Variants in ZZEF1 observed in about 807,000 individuals in gnomAD.
The protein encoded by ZZEF1 is zinc finger ZZ-type and EF-hand domain containing 1.
ZZEF1 carries 157 observed loss-of-function variants against 342.8 expected under a neutral mutation model. The ratio of observed to expected loss-of-function variants is 0.46; its 90% CI spans 0.40 to 0.52. The LOEUF (loss-of-function observed/expected upper bound fraction) is 0.52, where lower values mean the gene tolerates loss of function less well. Ranked by LOEUF, ZZEF1 falls within the 20% of genes least tolerant of loss-of-function variation. ZZEF1 has a pLI of 0.00. For synonymous variants in ZZEF1, 1,505 were observed against 1,429.1 expected (o/e 1.05, Z -1.20); for missense variants, 3,480 against 3,725.6 (o/e 0.93, Z 1.72).
intron 42 of ZZEF1, among the ~76,000 whole-genome samples, chr17:4,030,510 A>G (rs2056518580): frequency 6.6e-6 from 1 of 152,238 alleles, no homozygotes; most frequent in Non-Finnish European, 1.5e-5. Context: ...GATTTGATGC[A>G]ATGCCAATCA....
At position 4,042,370 on chromosome 17, in the gene ZZEF1, T is replaced by C. The variant is rs569887695; in HGVS notation, c.6306+59A>G. 152 of 1,553,272 alleles carry C rather than the reference T, an allele frequency of 9.8e-5. 8 individuals carry two copies. In the South Asian group the frequency reaches 1.8e-3, roughly 19 times the overall value. On this transcript the variant is annotated intron_variant, in intron 39 of 54. Transcript: ENST00000381638. Reference sequence around the variant, plus strand: ...CATCATTTGTTTCAGTATGTGGCTTTCCAAAACCTTCTTCTATGCATACCA... The same window carrying C: ...CATCATTTGTTTCAGTATGTGGCTTCCCAAAACCTTCTTCTATGCATACCA...
chr17:4,124,120 T>C, intron 1 of ZZEF1, 69 bp from the exon 2 acceptor site: 1 of 1,495,406 alleles, frequency 6.7e-7, no homozygotes, highest in African/African-American at 1.4e-5. Flanking sequence ...AAGTTTCTTT[T>C]ATTTAAAATT....
At chr17:4,134,229 G>A (rs1677976638) in intron 1 of ZZEF1, among the ~76,000 whole-genome samples, 1 of 151,300 alleles carries the variant, frequency 6.6e-6, no homozygotes, top group South Asian at 2.1e-4. Context: ...TGAGGTGGGA[G>A]GACCGCTTGA....
Position 4,014,115 on chromosome 17 carries a change from G to A in ZZEF1, c.8388C>T (p.Ala2796=), listed in dbSNP as rs773783131. The A allele has an allele frequency of 1.5e-5, 25 of 1,614,018 alleles. No individual in the cohort carries two copies. Among genetic ancestry groups the A allele is most frequent in the Non-Finnish European group, 1.7e-5 (20 of 1,180,034 alleles). The stretch of plus-strand genomic sequence containing the variant: ...CTGTCTGGAACCGCCCCAGGTGTCC[G>A]GCCGTCACGGTGAATCTGTAGCCCC... ...TEWGYRFTVT[A]GHLGRFQTGF... The change falls in exon 51 of 55, where the codon GCC becomes GCT. Residue 2796 remains alanine, a synonymous_variant. Coordinates refer to ENST00000381638, the MANE Select transcript of ZZEF1 (RefSeq NM_015113.4). The surrounding 1 kb of genome is among the most constrained non-coding windows in gnomAD (Gnocchi z 4.4).
chr17:4,009,879 A>AAAT, intron 52 of ZZEF1, 122 bp from the exon 53 acceptor site: 5 of 1,215,822 alleles, frequency 4.1e-6, no homozygotes, highest in Non-Finnish European at 5.7e-6. Flanking sequence ...AAATGATTAT[A>AAAT]AAGTCGCCTC....
chr17:4,132,921 A>G (rs974070661), intron 1 of ZZEF1, among the ~76,000 whole-genome samples: 62 of 152,184 alleles, frequency 4.1e-4, no homozygotes, highest in Admixed American at 1.7e-3. Context: ...AGCTGAGATC[A>G]CGCCACTGCA....
chr17:4,064,867 A>AAG, intron 28 of ZZEF1, 38 bp from the exon 29 acceptor site: 1 of 1,399,318 alleles, frequency 7.1e-7, no homozygotes, highest in Non-Finnish European at 9.7e-7. Context: ...AAAAAAAAAA[A>AAG]GTTAAAATTA....
intron 26 of ZZEF1, 101 bp downstream of exon 26, chr17:4,070,583 T>A: frequency 1.5e-6 from 2 of 1,321,622 alleles, no homozygotes; most frequent in Non-Finnish European, 1.0e-6. Context: ...TATAGAAATG[T>A]GTTTATATTT....
rs1456086109 is a variant in ZZEF1 at position 4,075,196 on chromosome 17, C to G, written c.3402-18G>C. ...AATCATACCTGTGAAGGCATAACCT[C>G]TATTAGCTTCCTTCTCTCATTGCTG... On this transcript the variant is annotated intron_variant, in intron 22 of 54. Transcript: ENST00000381638. 6.2e-7 allele frequency: 1 copy of G among 1,614,032 alleles called. No homozygotes were observed. The highest frequency in any genetic ancestry group is 8.5e-7 in the Non-Finnish European group (1 of 1,179,864).
chr17:4,017,683 C>T lies in ZZEF1; in HGVS notation c.7689G>A (p.Val2563=), dbSNP rs2676279. 0.014 allele frequency: 23,075 copies of T among 1,613,640 alleles called. 2,820 individuals carry two copies. The African/African-American group carries it at 0.27, about 19-fold the overall frequency. Residue 2563 remains valine, a synonymous_variant, in exon 48 of 55, where the codon GTG becomes GTA. Coordinates refer to ENST00000381638, the MANE Select transcript of ZZEF1 (RefSeq NM_015113.4). This position sits in a 1 kb window ranked among gnomAD's most constrained non-coding sequence, Gnocchi z 5.1. ...CDQATAESNP[V]TQKLISSTES... ...CTGTGCTGGAGATCAGCTTCTGGGT[C>T]ACAGGGTTCGATTCAGCAGTGGCTT...
chr17:4,118,408 C>A (rs2058432325), intron 2 of ZZEF1, among the ~76,000 whole-genome samples: 1 of 152,170 alleles, frequency 6.6e-6, no homozygotes, highest in African/African-American at 2.4e-5. Flanking sequence ...GGGCCTTGCT[C>A]CAAAATCTTA....
At chr17:4,018,007 T>C in intron 46 of ZZEF1, 36 bp from the exon 47 acceptor site, 1 of 1,609,688 alleles carries the variant, frequency 6.2e-7, no homozygotes, top group East Asian at 2.2e-5. Flanking sequence ...GTACCAACAG[T>C]GTAGACAGGC....
In ZZEF1 at chr17:4,021,191, G is replaced by C. The variant is rs1047731230; in HGVS notation, c.7342C>G (p.Pro2448Ala). 3 of 1,613,906 alleles carry C rather than the reference G, an allele frequency of 1.9e-6. No individual in the cohort carries two copies. Among genetic ancestry groups the C allele is most frequent in the African/African-American group, 2.7e-5 (2 of 74,894 alleles). The change falls in exon 45 of 55, where the codon CCA becomes GCA. Residue 2448 changes from proline to alanine, a missense_variant. Coordinates refer to ENST00000381638, the MANE Select transcript of ZZEF1 (RefSeq NM_015113.4). ...AGGGGGTCCAGCTTTTTCTGCTCTG[G>C]GTCGCCAGGGCTGCTGACTGGCCGT... Reference protein sequence around the residue: ...VERPVSSPGDPEQKKLDPLEG... With the variant: ...VERPVSSPGDAEQKKLDPLEG...
Position 4,021,107 on chromosome 17 carries a change from A to C in ZZEF1, c.7404+22T>G, listed in dbSNP as rs752931639. ...ATCCCTCAGAAGCCCCTCCTAAGCC[A>C]CAAGATGACTCAAGAACACACCAAG... On this transcript the variant is annotated intron_variant, in intron 45 of 54. Transcript: ENST00000381638. 8.9e-6 allele frequency: 14 copies of C among 1,575,726 alleles called. No individual in the cohort carries two copies. The South Asian group carries it at 1.6e-4, about 18-fold the overall frequency.
intron 39 of ZZEF1, among the ~76,000 whole-genome samples, chr17:4,038,578 G>C (rs1384774132): frequency 6.6e-6 from 1 of 152,190 alleles, no homozygotes; most frequent in Non-Finnish European, 1.5e-5. Context: ...GCCGAGGTGG[G>C]TGGATCACTG....
chr17:4,035,720 G>A (rs1479105502), intron 39 of ZZEF1, among the ~76,000 whole-genome samples: 2 of 152,220 alleles, frequency 1.3e-5, no homozygotes, highest in East Asian at 3.9e-4. Flanking sequence ...ACAGCATAAG[G>A]AGAGTGTTGC....
Position 4,074,224 on chromosome 17 carries a change from A to G in ZZEF1, c.3611T>C (p.Leu1204Pro), listed in dbSNP as rs1317823535. The change falls in exon 24 of 55, where the codon CTG becomes CCG. Residue 1204 changes from leucine (L) to proline (P), a missense_variant. Leu to Pro is a moderately conservative substitution (Grantham distance 98). This residue lies in a region of ZZEF1 where 1,528 missense variants were observed against 1,624.1 expected (regional missense o/e 0.94). Coordinates refer to ENST00000381638, the MANE Select transcript of ZZEF1 (RefSeq NM_015113.4). ...GLPDVAVSWGLDLQLLVSRLM... is the reference protein window; with the variant it reads ...GLPDVAVSWGPDLQLLVSRLM... The stretch of plus-strand genomic sequence containing the variant: ...CCGGGAGACGAGGAGCTGTAAATCC[A>G]GCCCCCAAGACACGGCAACATCGGG... The G allele has an allele frequency of 6.2e-7, 1 of 1,614,152 alleles. No homozygotes were observed. The highest frequency in any genetic ancestry group is 1.7e-5 in the Admixed American group (1 of 60,026).
At chr17:4,022,918 C>G in intron 43 of ZZEF1, 90 bp from the exon 44 acceptor site, 2 of 1,510,934 alleles carry the variant, frequency 1.3e-6, no homozygotes, top group Non-Finnish European at 1.8e-6. Flanking sequence ...TTCACTCTTT[C>G]ATTCATTCGT....
chr17:4,095,435 T>C (rs1597883966), intron 11 of ZZEF1, among the ~76,000 whole-genome samples: 2 of 152,354 alleles, frequency 1.3e-5, no homozygotes, highest in South Asian at 2.1e-4. Context: ...CATTACGGTA[T>C]CTTCAGCACC....
Sources: gnomAD v4.1 joint callset for allele counts (sites outside exome capture counted in the v4.1 genomes callset) on GRCh38, gnomAD v4.1.1 for gene constraint, gnomAD v4.1.1 regional missense constraint, Gnocchi (gnomAD v3.1) non-coding constraint, MANE v1.5 for transcripts, NCBI Gene and HGNC (gene_info 2026-07-23, HGNC 2026-07-21) for gene names.